The following EPC1 variants were observed in gnomAD, a reference collection of about 807,000 sequenced individuals.
The protein encoded by EPC1 is enhancer of polycomb 1, also known as enhancer of polycomb homolog 1.
In EPC1, 12 loss-of-function variants were observed where a neutral mutation model predicts 98.4. The ratio of observed to expected loss-of-function variants is 0.12; its 90% CI spans 0.08 to 0.20. The LOEUF (loss-of-function observed/expected upper bound fraction) is 0.20. Among genes scored for constraint, EPC1 ranks in the 10% least tolerant of loss-of-function variants. The pLI, the probability that EPC1 is intolerant of heterozygous loss-of-function variation, is 1.00. For synonymous variants in EPC1, 357 were observed against 363.9 expected (o/e 0.98, Z 0.21); for missense variants, 729 against 990.5 (o/e 0.74, Z 3.54).
chr10:32,306,049 G>T, intron 1 of EPC1, 118 bp from the exon 2 acceptor site: 1 of 841,812 alleles, frequency 1.2e-6, no homozygotes, highest in Non-Finnish European at 1.7e-6. Context: ...TCTAGTAGTA[G>T]ATCTTAAAAG....
chr10:32,335,756 T>C (rs1459936452), intron 1 of EPC1, among the ~76,000 whole-genome samples: 1 of 152,176 alleles, frequency 6.6e-6, no homozygotes, highest in Non-Finnish European at 1.5e-5. Flanking sequence ...AGCATGACCT[T>C]CTCGCCCACG....
chr10:32,319,637 A>C (rs964940628), intron 1 of EPC1, among the ~76,000 whole-genome samples: 1 of 152,160 alleles, frequency 6.6e-6, no homozygotes, highest in African/African-American at 2.4e-5. Context: ...ATTCTTCAAA[A>C]ATGTCTACGT....
intron 10 of EPC1, among the ~76,000 whole-genome samples, chr10:32,274,487 T>C (rs1350137261): frequency 6.6e-6 from 1 of 152,162 alleles, no homozygotes; most frequent in African/African-American, 2.4e-5. Context: ...TCTGCCATGT[T>C]TTGAATGGAT....
chr10:32,357,783 C>T (rs550065265), intron 1 of EPC1, among the ~76,000 whole-genome samples: 1 of 150,498 alleles, frequency 6.6e-6, no homozygotes, highest in African/African-American at 2.4e-5. Flanking sequence ...TTTGTTTTTG[C>T]TTTTCATTGG....
At chr10:32,336,052 A>C (rs1837942293) in intron 1 of EPC1, among the ~76,000 whole-genome samples, 1 of 147,616 alleles carries the variant, frequency 6.8e-6, no homozygotes, top group African/African-American at 2.5e-5. Context: ...CCATCATGAT[A>C]ATCTACTACC....
intron 1 of EPC1, among the ~76,000 whole-genome samples, chr10:32,327,128 A>T (rs1295891228): frequency 2.0e-5 from 3 of 151,912 alleles, no homozygotes; most frequent in Admixed American, 2.0e-4. Flanking sequence ...AAAAGGATGA[A>T]ATTCTGTCAT....
chr10:32,288,308 T>C (rs1015920457), intron 6 of EPC1, among the ~76,000 whole-genome samples: 3 of 143,038 alleles, frequency 2.1e-5, no homozygotes, highest in African/African-American at 7.9e-5. Flanking sequence ...TCTATTACTT[T>C]TTTCTTTTTT....
chr10:32,310,459 C>A (rs768536013), intron 1 of EPC1, among the ~76,000 whole-genome samples: 16 of 152,096 alleles, frequency 1.1e-4, no homozygotes, highest in Non-Finnish European at 2.2e-4. Flanking sequence ...GATTTTCATA[C>A]CCTTAGTTAC....
chr10:32,288,319 T>C (rs757102836), intron 6 of EPC1, among the ~76,000 whole-genome samples: 17 of 116,228 alleles, frequency 1.5e-4, no homozygotes, highest in Middle Eastern at 4.5e-3. Context: ...TTTCTTTTTT[T>C]TTTTTTTTTT....
At position 32,369,643 on chromosome 10, in the gene EPC1, A is replaced by G. The variant is rs547104197; in HGVS notation, c.3+8848T>C. On this transcript the variant is annotated intron_variant, in intron 1 of 13. Transcript: ENST00000375110. ...CAGAAAGATTTAGAATGTGCTGTCG[A>G]AAGTACTGCATTTTTTTGTAGTGTA... Among the ~76,000 whole-genome samples the G allele has an allele frequency of 7.9e-5, 12 of 152,352 alleles. No homozygotes were observed. In the South Asian group the frequency reaches 1.4e-3, roughly 18 times the overall value.
At chr10:32,350,950 C>G (rs1427921655), upstream of EPC1, among the ~76,000 whole-genome samples, 1 of 152,200 alleles carries the variant, frequency 6.6e-6, no homozygotes, top group Admixed American at 6.5e-5. Context: ...CTGATCACTT[C>G]ACCCCTAGAA....
chr10:32,317,703 G>C (rs2132883933), intron 1 of EPC1, among the ~76,000 whole-genome samples: 1 of 152,190 alleles, frequency 6.6e-6, no homozygotes, highest in Non-Finnish European at 1.5e-5. Context: ...AATACTTGTG[G>C]TAATAGTTTA....
rs552086860 is a variant in EPC1 at position 32,281,062 on chromosome 10, T to G, written c.1744+3636A>C. ...ATTATTTATTTATTTTGAGATGGAG[T>G]CTTGCCCTGTCACCCAGGCTGGAGT... On this transcript the variant is annotated intron_variant, in intron 10 of 13. Coordinates refer to ENST00000319778, the MANE Select transcript of EPC1 (RefSeq NM_001272004.3). 1.1e-4 allele frequency among the ~76,000 whole-genome samples: 16 copies of G among 152,106 alleles called. No homozygotes were observed. The South Asian group carries it at 3.3e-3, about 32-fold the overall frequency.
At chr10:32,326,462 A>AG (rs1276551576) in intron 1 of EPC1, among the ~76,000 whole-genome samples, 4 of 152,214 alleles carry the variant, frequency 2.6e-5, no homozygotes, top group African/African-American at 7.2e-5. Context: ...GACAAGAATA[A>AG]GAAAAAAAAC....
chr10:32,356,589 C>T (rs1188257331), intron 1 of EPC1, among the ~76,000 whole-genome samples: 1 of 152,136 alleles, frequency 6.6e-6, no homozygotes, highest in Non-Finnish European at 1.5e-5. Context: ...GAGGAGGTCA[C>T]AGTAAACCCA....
intron 1 of EPC1, among the ~76,000 whole-genome samples, chr10:32,314,874 C>A (rs991838864): frequency 6.6e-6 from 1 of 152,236 alleles, no homozygotes; most frequent in African/African-American, 2.4e-5. Context: ...ATTCCTCATG[C>A]TCTCACCCCA....
Position 32,286,487 on chromosome 10 carries a change from C to T in EPC1, c.1391+207G>A, listed in dbSNP as rs112357287. 5.0e-4 allele frequency: 281 copies of T among 563,034 alleles called. 1 individual carries two copies. The highest frequency in any genetic ancestry group is 3.8e-3 in the African/African-American group (205 of 53,550). The allele number at this position is 563,034 out of a possible 1,614,324, so 34.9% of individuals were successfully genotyped here. A position where few individuals can be genotyped will look rare whatever the true frequency, so the allele number is the denominator to read the frequency against. ...CACCTTGGGGAGAAAAGCAGGTCCACTAGGGACCCAATAGAGTTATGTCAA... is the reference window on the plus strand; with the variant it reads ...CACCTTGGGGAGAAAAGCAGGTCCATTAGGGACCCAATAGAGTTATGTCAA... On this transcript the variant is annotated intron_variant, in intron 9 of 13. Transcript: ENST00000319778.
chr10:32,288,554 T>C (rs1412512244), intron 6 of EPC1, among the ~76,000 whole-genome samples: 1 of 150,266 alleles, frequency 6.7e-6, no homozygotes, highest in Non-Finnish European at 1.5e-5. Context: ...TTTCGCCATG[T>C]TGGCCAGGCT....
intron 1 of EPC1, among the ~76,000 whole-genome samples, chr10:32,327,575 G>A (rs1189863639): frequency 6.6e-6 from 1 of 152,150 alleles, no homozygotes; most frequent in Non-Finnish European, 1.5e-5. Flanking sequence ...ATAGCCAAGT[G>A]TTGCTTAATA....
Sources: gnomAD v4.1 joint callset for allele counts (sites outside exome capture counted in the v4.1 genomes callset) on GRCh38, gnomAD v4.1.1 for gene constraint, MANE v1.5 for transcripts, NCBI Gene and HGNC (gene_info 2026-07-23, HGNC 2026-07-21) for gene names.